TRIM67: variants seen among roughly 807,000 people sequenced by gnomAD.
The protein encoded by TRIM67 is tripartite motif containing 67, also known as tripartite motif-containing protein 67.
In TRIM67, 39 loss-of-function variants were observed where a neutral mutation model predicts 71.0. The observed-to-expected ratio is 0.55, with a 90% confidence interval of 0.43 to 0.72. TRIM67 has a LOEUF of 0.72. TRIM67 is among the 30% of genes least tolerant of loss of function. The pLI is 0.00. For missense variants in TRIM67, 973 were observed against 1,079.2 expected (o/e 0.90, Z 1.38); for synonymous variants, 481 against 473.9 (o/e 1.01, Z -0.19).
rs1684017868 is a variant in TRIM67, at chr1:231,216,563, A to G, written c.*1123A>G. 5 of 985,402 alleles carry G rather than the reference A, an allele frequency of 5.1e-6. No individual in the cohort carries two copies. The South Asian group carries it at 1.9e-4, about 37-fold the overall frequency. 61.0% of individuals were successfully genotyped at this position (985,402 alleles called of 1,614,324 possible). A position where few individuals can be genotyped will look rare whatever the true frequency, so the allele number is the denominator to read the frequency against. On this transcript the variant is annotated 3_prime_UTR_variant, in exon 10 of 10. Transcript: ENST00000366653. The stretch of plus-strand genomic sequence containing the variant: ...CAGTCCACCCTATTGTCATTATGAA[A>G]GCATCATGAACACAAGTGGCCCCTG...
intron 7 of TRIM67, among the ~76,000 whole-genome samples, chr1:231,208,445 A>G (rs1683773524): frequency 6.6e-6 from 1 of 152,086 alleles, no homozygotes; most frequent in African/African-American, 2.4e-5. Flanking sequence ...AAGTGCTGGG[A>G]TTACAGGTGT....
At chr1:231,164,702 C>G (rs1372599562) in intron 1 of TRIM67, among the ~76,000 whole-genome samples, 1 of 152,104 alleles carries the variant, frequency 6.6e-6, no homozygotes, top group Non-Finnish European at 1.5e-5. Context: ...ACCGCAGAGG[C>G]AAGAGGTCTC....
At chr1:231,197,500 A>C (rs1683398400) in intron 2 of TRIM67, 34 bp downstream of exon 2, 71 of 1,591,682 alleles carry the variant, frequency 4.5e-5, no homozygotes, top group Non-Finnish European at 5.9e-5. Flanking sequence ...AGAAATACTC[A>C]GTGTTGAAAG....
At chr1:231,169,217 C>T (rs1048496508) in intron 1 of TRIM67, among the ~76,000 whole-genome samples, 2 of 151,952 alleles carry the variant, frequency 1.3e-5, no homozygotes, top group Non-Finnish European at 2.9e-5. Context: ...CCACACCCAG[C>T]TAATTTTTTG....
Position 231,215,289 on chromosome 1 carries a change from C to A in TRIM67, c.2287-86C>A, listed in dbSNP as rs116360567. ...GATGGCCCTGGAGCCAGCAGGGGAT[C>A]CTGCCGGTGTCTGCGGTGCTGTCAG... On this transcript the variant is annotated intron_variant, in intron 9 of 9. Transcript: ENST00000366653. 1.5e-3 allele frequency: 2,344 copies of A among 1,515,684 alleles called. 41 individuals carry two copies. The African/African-American group carries it at 0.029, about 19-fold the overall frequency. 93.9% of individuals were successfully genotyped at this position (1,515,684 alleles called of 1,614,324 possible).
intron 1 of TRIM67, among the ~76,000 whole-genome samples, chr1:231,176,471 A>T (rs1682753259): frequency 6.6e-6 from 1 of 152,208 alleles, no homozygotes; most frequent in Non-Finnish European, 1.5e-5. Context: ...GAGTAGGTTC[A>T]TTATTCAGGA....
At position 231,163,555 on chromosome 1, in the gene TRIM67, G is replaced by C; in HGVS notation, c.586G>C (p.Val196Leu). 6.6e-7 allele frequency: 1 copy of C among 1,512,400 alleles called. No individual in the cohort carries two copies. Among genetic ancestry groups the C allele is most frequent in the South Asian group, 1.2e-5 (1 of 81,150 alleles). The allele number at this position is 1,512,400 out of a possible 1,614,324, so 93.7% of individuals were successfully genotyped here. The change falls in exon 1 of 10, where the codon GTG becomes CTG. Residue 196 changes from valine to leucine, a missense_variant. Val to Leu is a conservative substitution (Grantham distance 32, BLOSUM62 1). This residue lies in a region of TRIM67 where 795 missense variants were observed against 831.3 expected (regional missense o/e 0.96). Transcript: ENST00000366653. ...GCGGTACCAGCAGGGCCGCGGGGCC[G>C]TGCCGGGGACGTCTGCAGCCGCGGC... ...VQRYQQGRGA[V>L]PGTSAAAAVA...
At chr1:231,168,123 C>A (rs1682527004) in intron 1 of TRIM67, among the ~76,000 whole-genome samples, 1 of 152,064 alleles carries the variant, frequency 6.6e-6, no homozygotes, top group African/African-American at 2.4e-5. Context: ...CACCACCATG[C>A]CTGGCTAATT....
Position 231,216,846 on chromosome 1 carries a change from T to C in TRIM67, c.*1406T>C. 4 of 985,480 alleles carry C rather than the reference T, an allele frequency of 4.1e-6. No individual in the cohort carries two copies. Among genetic ancestry groups the C allele is most frequent in the Non-Finnish European group, 4.8e-6 (4 of 829,950 alleles). The allele number at this position is 985,480 out of a possible 1,614,324, so 61.0% of individuals were successfully genotyped here. On this transcript the variant is annotated 3_prime_UTR_variant, in exon 10 of 10. Transcript: ENST00000366653. ...CAGGCTCTTGTTCCCAGGGAACCCTTCCTCTCCTCCCTCCTCTCATCTTCC... is the reference window on the plus strand; with the variant it reads ...CAGGCTCTTGTTCCCAGGGAACCCTCCCTCTCCTCCCTCCTCTCATCTTCC...
intron 1 of TRIM67, among the ~76,000 whole-genome samples, chr1:231,182,792 C>T (rs1274738644): frequency 2.0e-5 from 3 of 152,208 alleles, no homozygotes; most frequent in Admixed American, 6.5e-5. Context: ...CTCCTGCACA[C>T]GTGAGCTTTT....
chr1:231,187,441 T>C, intron 1 of TRIM67: 3 of 1,225,490 alleles, frequency 2.4e-6, no homozygotes, highest in Non-Finnish European at 3.3e-6. Context: ...ATTTCTACTG[T>C]TCTGCCAACA....
At chr1:231,182,465 T>C (rs1408122095) in intron 1 of TRIM67, among the ~76,000 whole-genome samples, 1 of 152,076 alleles carries the variant, frequency 6.6e-6, no homozygotes, top group African/African-American at 2.4e-5. Flanking sequence ...CCACATCTCG[T>C]TGGCACAGGG....
At chr1:231,206,070 G>A (rs1296062663) in intron 6 of TRIM67, among the ~76,000 whole-genome samples, 1 of 152,176 alleles carries the variant, frequency 6.6e-6, no homozygotes, top group Non-Finnish European at 1.5e-5. Context: ...GTCAAGTTCT[G>A]TGAGCCAGCC....
At chr1:231,207,762 C>T (rs1683746156) in intron 7 of TRIM67, among the ~76,000 whole-genome samples, 1 of 152,178 alleles carries the variant, frequency 6.6e-6, no homozygotes, top group African/African-American at 2.4e-5. Context: ...AGCTCGCTAG[C>T]TTCTGCCTCT....
At chr1:231,177,180 T>C (rs1205741638) in intron 1 of TRIM67, among the ~76,000 whole-genome samples, 2 of 152,170 alleles carry the variant, frequency 1.3e-5, no homozygotes, top group Non-Finnish European at 2.9e-5. Context: ...TGTGGAACCA[T>C]CCTTAGGTAT....
intron 1 of TRIM67, among the ~76,000 whole-genome samples, chr1:231,173,328 C>T (rs985324918): frequency 2.6e-5 from 4 of 152,168 alleles, no homozygotes; most frequent in African/African-American, 7.2e-5. Flanking sequence ...AGGTGGATTT[C>T]TTGAGGCCAG....
At chr1:231,198,361 T>G (rs998747760) in intron 2 of TRIM67, among the ~76,000 whole-genome samples, 1 of 151,992 alleles carries the variant, frequency 6.6e-6, no homozygotes, top group Admixed American at 6.6e-5. Context: ...GAGAAAGCAT[T>G]AACATATCTG....
chr1:231,164,036 T>C (rs1391759507), intron 1 of TRIM67, 23 bp downstream of exon 1: 3 of 1,476,560 alleles, frequency 2.0e-6, no homozygotes, highest in Admixed American at 4.2e-5. Flanking sequence ...GACGCGGGAG[T>C]GCAGGTGCCA....
At chr1:231,177,341 A>G (rs1376762597) in intron 1 of TRIM67, among the ~76,000 whole-genome samples, 5 of 152,228 alleles carry the variant, frequency 3.3e-5, no homozygotes, top group African/African-American at 9.6e-5. Context: ...AACTAATTCT[A>G]TTGTTGTTAC....
Sources: gnomAD v4.1 joint callset for allele counts (sites outside exome capture counted in the v4.1 genomes callset) on GRCh38, gnomAD v4.1.1 for gene constraint, gnomAD v4.1.1 regional missense constraint, MANE v1.5 for transcripts, NCBI Gene and HGNC (gene_info 2026-07-23, HGNC 2026-07-21) for gene names.